SIX4: variants seen among roughly 807,000 people sequenced by gnomAD.
The protein encoded by SIX4 is SIX homeobox 4, also known as homeobox protein SIX4.
SIX4 carries 23 observed loss-of-function variants against 51.5 expected under a neutral mutation model. That is an observed-to-expected ratio of 0.45 (90% confidence interval 0.32 to 0.63). The LOEUF is 0.63. Among genes scored for constraint, SIX4 ranks in the 30% least tolerant of loss-of-function variants. The probability of loss-of-function intolerance (pLI) is 0.04; values close to 1 mark genes in which losing one functional copy is unlikely to be tolerated. For missense variants in SIX4, 867 were observed against 984.0 expected, an observed-to-expected ratio of 0.88 and a Z score of 1.59; for synonymous variants, 413 against 417.3, an observed-to-expected ratio of 0.99 and a Z score of 0.13.
chr14:60,722,796 G>C lies in SIX4; in HGVS notation c.863+416C>G, dbSNP rs1350609428. On this transcript the variant is annotated intron_variant, in intron 1 of 2. Coordinates refer to ENST00000216513, the MANE Select transcript of SIX4 (RefSeq NM_017420.5). The surrounding 1 kb of genome is among the most constrained non-coding windows in gnomAD (Gnocchi z 5.9). ...GGAGGTGCAGACCCCGGCCGGCGCC[G>C]GCAGTCTCTGCGGGCCTCGGGCGGC... Among the ~76,000 whole-genome samples, 2 of 152,030 alleles carry C rather than the reference G, an allele frequency of 1.3e-5. No individual in the cohort carries two copies. Among genetic ancestry groups the C allele is most frequent in the South Asian group, 2.1e-4 (1 of 4,812 alleles).
intron 1 of SIX4, chr14:60,721,090 C>T (rs924313227): frequency 2.0e-6 from 2 of 985,394 alleles, no homozygotes; most frequent in Non-Finnish European, 2.4e-6. Context: ...TGTGCAGTCG[C>T]CTTTGAATCC....
intron 2 of SIX4, among the ~76,000 whole-genome samples, chr14:60,716,786 A>C (rs1895928625): frequency 6.6e-6 from 1 of 152,228 alleles, no homozygotes; most frequent in South Asian, 2.1e-4. Context: ...TGATTATATT[A>C]TCACCTCTAT....
rs746827129 is a variant in SIX4 at position 60,723,853 on chromosome 14, C to G, written c.222G>C (p.Ala74=). 6.5e-7 allele frequency: 1 copy of G among 1,534,202 alleles called. No homozygotes were observed. Among genetic ancestry groups the G allele is most frequent in the East Asian group, 2.4e-5 (1 of 42,192 alleles). ...GATCCGCCGCCGCTCCGGCCGCCGC[C>G]GCCGCCACTGCCCCTTCCTCTCCGC... ...RVSGEEGAVA[A]AAAGAAADQV... Residue 74 remains alanine, a synonymous_variant, in exon 1 of 3, where the codon GCG becomes GCC. Transcript: ENST00000216513.
chr14:60,713,373 C>G lies in SIX4; in HGVS notation c.*34G>C, dbSNP rs1895856577. The stretch of plus-strand genomic sequence containing the variant: ...TGGGGCTTCATGAAAAGATTTGCCG[C>G]TGATGCCAAAAAGAGGTGAGGAGGA... On this transcript the variant is annotated 3_prime_UTR_variant, in exon 3 of 3. Transcript: ENST00000216513. 3 of 1,543,422 alleles carry G rather than the reference C, an allele frequency of 1.9e-6. No homozygotes were observed. The highest frequency in any genetic ancestry group is 1.3e-5 in the South Asian group (1 of 78,662).
intron 2 of SIX4, among the ~76,000 whole-genome samples, chr14:60,715,093 T>C (rs117865904): frequency 5.6e-4 from 85 of 151,876 alleles, no homozygotes; most frequent in Non-Finnish European, 1.0e-3. Flanking sequence ...GTAATTCTGA[T>C]GACCAAGGGG....
At position 60,712,552 on chromosome 14, in the gene SIX4, G is replaced by C. The variant is rs1347755700; in HGVS notation, c.*855C>G. On this transcript the variant is annotated 3_prime_UTR_variant, in exon 3 of 3. Transcript: ENST00000216513. ...TTCCTGTTTCAGTGTTATTAATATT[G>C]ACCTTAATAGATTCCTGGTAAAAAT... 1.3e-5 allele frequency: 2 copies of C among 152,474 alleles called. No individual in the cohort carries two copies. Among genetic ancestry groups the C allele is most frequent in the Non-Finnish European group, 2.9e-5 (2 of 67,996 alleles). The allele number at this position is 152,474 out of a possible 1,614,324, so 9.4% of individuals were successfully genotyped here. A position where few individuals can be genotyped will look rare whatever the true frequency, so the allele number is the denominator to read the frequency against.
intron 1 of SIX4, among the ~76,000 whole-genome samples, chr14:60,721,940 C>CA (rs1322130955): frequency 6.6e-6 from 1 of 152,242 alleles, no homozygotes; most frequent in Non-Finnish European, 1.5e-5. Context: ...GATAGGGCAC[C>CA]AAGCCTCCCT....
chr14:60,714,380 C>T (rs1566737410), intron 2 of SIX4, among the ~76,000 whole-genome samples, 177 bp from the exon 3 acceptor site: 1 of 152,104 alleles, frequency 6.6e-6, no homozygotes, highest in Non-Finnish European at 1.5e-5. Context: ...GATTCCCAGG[C>T]TCTACTCCTT....
At position 60,723,305 on chromosome 14, in the gene SIX4, G is replaced by A; in HGVS notation, c.770C>T (p.Ala257Val). ...GGTGAGGGAGAGGCCGGTGATCTTG[G>A]CCAGGTGCCGCTTCTCGGCGGGCGA... ...YPSPAEKRHL[A>V]KITGLSLTQV... The change falls in exon 1 of 3, where the codon GCC becomes GTC. Residue 257 changes from alanine to valine, a missense_variant. Transcript: ENST00000216513. 6.2e-7 allele frequency: 1 copy of A among 1,613,310 alleles called. No homozygotes were observed.
rs1425137340 is a variant in SIX4, at chr14:60,719,611, G to A, written c.1549+149C>T. On this transcript the variant is annotated intron_variant, in intron 2 of 2. Coordinates refer to ENST00000216513, the MANE Select transcript of SIX4 (RefSeq NM_017420.5). This position sits in a 1 kb window ranked among gnomAD's most constrained non-coding sequence, Gnocchi z 4.9. Reference sequence around the variant, plus strand: ...ATATGACATGGGTATTGTGAAAGAGGAGAATCACATCAAGGCTACTCTACA... The same window carrying A: ...ATATGACATGGGTATTGTGAAAGAGAAGAATCACATCAAGGCTACTCTACA... 1 of 759,534 alleles carries A rather than the reference G, an allele frequency of 1.3e-6. No individual in the cohort carries two copies. The highest frequency in any genetic ancestry group is 1.8e-5 in the African/African-American group (1 of 56,678). The allele number at this position is 759,534 out of a possible 1,614,324, so 47.0% of individuals were successfully genotyped here.
rs1386832662 is a variant in SIX4 at position 60,712,866 on chromosome 14, C to T, written c.*541G>A. On this transcript the variant is annotated 3_prime_UTR_variant, in exon 3 of 3. Transcript: ENST00000216513. The stretch of plus-strand genomic sequence containing the variant: ...AATCACATTTGGAAATGTGTTGAGA[C>T]AAATGTGTTTGAGACCCAAGACTTT... 1 of 152,448 alleles carries T rather than the reference C, an allele frequency of 6.6e-6. No individual in the cohort carries two copies. Among genetic ancestry groups the T allele is most frequent in the African/African-American group, 2.4e-5 (1 of 41,414 alleles). 9.4% of individuals were successfully genotyped at this position (152,448 alleles called of 1,614,324 possible). A position where few individuals can be genotyped will look rare whatever the true frequency, so the allele number is the denominator to read the frequency against.
At position 60,723,388 on chromosome 14, in the gene SIX4, A is replaced by G. The variant is rs374552463; in HGVS notation, c.687T>C (p.Cys229=). 3 of 1,611,540 alleles carry G rather than the reference A, an allele frequency of 1.9e-6. No individual in the cohort carries two copies. The highest frequency in any genetic ancestry group is 1.3e-5 in the African/African-American group (1 of 74,750). ...TIWDGEETVY[C]FKEKSRNALK... ...GCGCGTTGCGCGACTTCTCCTTGAA[A>G]CAATACACCGTCTCCTCGCCGTCCC... Residue 229 remains cysteine, a synonymous_variant, in exon 1 of 3, where the codon TGT becomes TGC. Coordinates refer to ENST00000216513, the MANE Select transcript of SIX4 (RefSeq NM_017420.5).
Position 60,720,267 on chromosome 14 carries a change from C to G in SIX4, c.1042G>C (p.Val348Leu). The change falls in exon 2 of 3, where the codon GTT becomes CTT. Residue 348 changes from valine (V) to leucine (L), a missense_variant. Val to Leu is a conservative substitution (Grantham distance 32). Transcript: ENST00000216513. The surrounding 1 kb of genome is among the most constrained non-coding windows in gnomAD (Gnocchi z 5.5). The stretch of plus-strand genomic sequence containing the variant: ...GGTACCAAGCTTCCATTCAACAGAA[C>G]TCCAGAAGAGCTTAATGATATCTTA... ...NAKISLSSSG[V>L]LLNGSLVPAS... 6.2e-7 allele frequency: 1 copy of G among 1,614,212 alleles called. No homozygotes were observed.
Position 60,715,030 on chromosome 14 carries a change from G to A in SIX4, c.1550-827C>T, listed in dbSNP as rs1381498484. On this transcript the variant is annotated intron_variant, in intron 2 of 2. Transcript: ENST00000216513. The stretch of plus-strand genomic sequence containing the variant: ...GGGCATGTGCGCATGTTTGTTACAC[G>A]GGTATATTGAGTAATGGTGGGGACT... Among the ~76,000 whole-genome samples the A allele has an allele frequency of 3.3e-5, 5 of 151,384 alleles. No individual in the cohort carries two copies. In the East Asian group the frequency reaches 7.7e-4, roughly 23 times the overall value.
At chr14:60,714,522 C>T (rs190937487) in intron 2 of SIX4, among the ~76,000 whole-genome samples, 17 of 152,198 alleles carry the variant, frequency 1.1e-4, no homozygotes, top group African/African-American at 2.9e-4. Flanking sequence ...AAACTACTTG[C>T]GTTCCTGAGT....
chr14:60,710,508 C>T lies in SIX4; in HGVS notation c.*2899G>A, dbSNP rs1895801470. The T allele has an allele frequency of 6.6e-6, 1 of 152,560 alleles. No individual in the cohort carries two copies. The highest frequency in any genetic ancestry group is 1.5e-5 in the Non-Finnish European group (1 of 68,040). 9.5% of individuals were successfully genotyped at this position (152,560 alleles called of 1,614,324 possible). ...ATAGATAGGCTTACACCAAAAATCC[C>T]ACAGCCAGCAGCATGGGTTGGGTTT... On this transcript the variant is annotated 3_prime_UTR_variant, in exon 3 of 3. Coordinates refer to ENST00000216513, the MANE Select transcript of SIX4 (RefSeq NM_017420.5).
intron 2 of SIX4, among the ~76,000 whole-genome samples, chr14:60,715,456 C>T (rs974195174): frequency 6.6e-6 from 1 of 152,090 alleles, no homozygotes; most frequent in Non-Finnish European, 1.5e-5. Flanking sequence ...GCTTTTTTGC[C>T]TTTTGTTGTG....
chr14:60,723,825 C>G lies in SIX4; in HGVS notation c.250G>C (p.Val84Leu). The change falls in exon 1 of 3, where the codon GTA (valine) becomes CTA (leucine). Residue 84 changes from valine (V) to leucine (L), a missense_variant. Physicochemically the swap from Val to Leu is conservative, Grantham distance 32. Transcript: ENST00000216513. ...AAAAGAAADQ[V>L]QLHSELLGRH... is the part of the protein sequence containing the mutation. The stretch of plus-strand genomic sequence containing the variant: ...CCCAGAAGTTCCGAGTGGAGTTGTA[C>G]CTGATCCGCCGCCGCTCCGGCCGCC... 6.6e-7 allele frequency: 1 copy of G among 1,525,704 alleles called. No individual in the cohort carries two copies. The highest frequency in any genetic ancestry group is 8.7e-7 in the Non-Finnish European group (1 of 1,146,194). The allele number at this position is 1,525,704 out of a possible 1,614,324, so 94.5% of individuals were successfully genotyped here. A position where few individuals can be genotyped will look rare whatever the true frequency, so the allele number is the denominator to read the frequency against.
chr14:60,724,187 A>G lies in SIX4; in HGVS notation c.-113T>C. 6.3e-7 allele frequency: 1 copy of G among 1,579,724 alleles called. No individual in the cohort carries two copies. The highest frequency in any genetic ancestry group is 8.6e-7 in the Non-Finnish European group (1 of 1,168,996). On this transcript the variant is annotated 5_prime_UTR_variant, in exon 1 of 3. Transcript: ENST00000216513. ...CCCTCCCTCCTCTCCCCCTCCGGAA[A>G]GCCCACTCCCTCCCTCCTGGTTTCG...
Sources: allele counts gnomAD v4.1 joint callset (sites outside exome capture counted in the v4.1 genomes callset), GRCh38; gene constraint gnomAD v4.1.1; non-coding constraint Gnocchi (gnomAD v3.1); transcripts MANE v1.5; gene names NCBI Gene and HGNC (gene_info 2026-07-23, HGNC 2026-07-21).